The following EPHA10 variants were observed in gnomAD, a reference collection of about 807,000 sequenced individuals.
EPHA10 encodes ephrin type-A receptor 10.
In EPHA10, 120 loss-of-function variants were observed where a neutral mutation model predicts 109.7. The ratio of observed to expected loss-of-function variants is 1.09; its 90% CI spans 0.94 to 1.27. EPHA10 has a LOEUF of 1.27. EPHA10 is among the 50% of genes most tolerant of loss of function. The pLI is 0.00. For synonymous variants in EPHA10, 640 were observed against 618.9 expected, an observed-to-expected ratio of 1.03 and a Z score of -0.51; for missense variants, 1,396 against 1,411.1, an observed-to-expected ratio of 0.99 and a Z score of 0.17.
intron 5 of EPHA10, among the ~76,000 whole-genome samples, chr1:37,742,979 G>C (rs1028897653): frequency 1.3e-5 from 2 of 151,948 alleles, no homozygotes; most frequent in Admixed American, 1.3e-4. Context: ...CTGAGTGACA[G>C]AGTAAGACCT....
rs544224803 is a variant in EPHA10 at position 37,761,780 on chromosome 1, C to T, written c.475G>A (p.Glu159Lys). Reference sequence around the variant, plus strand: ...CCCAGGTCGCCCTGCGTGAAGCTCTCGTCCGCCGCGATCGTGTCGATTTTG... The same window carrying T: ...CCCAGGTCGCCCTGCGTGAAGCTCTTGTCCGCCGCGATCGTGTCGATTTTG... Reference protein sequence around the residue: ...PRKIDTIAADESFTQGDLGER... With the variant: ...PRKIDTIAADKSFTQGDLGER... The change falls in exon 3 of 17, where the codon GAG (glutamate) becomes AAG (lysine). Residue 159 changes from glutamate to lysine, a missense_variant. By Grantham distance (56) the Glu-to-Lys change is moderately conservative (BLOSUM62 1). Coordinates refer to ENST00000373048, the MANE Select transcript of EPHA10 (RefSeq NM_001099439.2). 113 of 1,613,760 alleles carry T rather than the reference C, an allele frequency of 7.0e-5. 1 individual carries two copies. The South Asian group carries it at 1.0e-3, about 15-fold the overall frequency.
At chr1:37,720,163 C>G (rs1645765797) in intron 13 of EPHA10, 105 bp from the exon 14 acceptor site, 1 of 1,475,324 alleles carries the variant, frequency 6.8e-7, no homozygotes, top group Admixed American at 2.1e-5. Context: ...TCCCAGGCAA[C>G]CCCCAACTCC....
chr1:37,733,816 CTT>C (rs1385084921), intron 6 of EPHA10, among the ~76,000 whole-genome samples: 3 of 152,168 alleles, frequency 2.0e-5, no homozygotes, highest in Non-Finnish European at 4.4e-5. Context: ...CTCTCTCTCT[CTT>C]TCTCTCCCTT....
intron 3 of EPHA10, among the ~76,000 whole-genome samples, chr1:37,755,089 T>G (rs1646382018): frequency 1.3e-5 from 2 of 152,170 alleles, no homozygotes; most frequent in South Asian, 4.1e-4. Flanking sequence ...CGTGAGCCAC[T>G]GTGCCCGACC....
Position 37,720,859 on chromosome 1 carries a change from G to A in EPHA10, c.2147-15C>T. 2 of 1,613,910 alleles carry A rather than the reference G, an allele frequency of 1.2e-6. No individual in the cohort carries two copies. Among genetic ancestry groups the A allele is most frequent in the Non-Finnish European group, 8.5e-7 (1 of 1,179,896 alleles). On this transcript the variant is annotated splice_polypyrimidine_tract_variant and intron_variant, in intron 11 of 16. Coordinates refer to ENST00000373048, the MANE Select transcript of EPHA10 (RefSeq NM_001099439.2). The stretch of plus-strand genomic sequence containing the variant: ...CAAGGTGCTTCCTGTGCCCAGGGAT[G>A]GGAACACACATGCTAAGTTGTCCAC...
At chr1:37,734,298 C>T (rs1203701064) in intron 6 of EPHA10, among the ~76,000 whole-genome samples, 1 of 152,128 alleles carries the variant, frequency 6.6e-6, no homozygotes, top group Non-Finnish European at 1.5e-5. Context: ...CTTTGGGAGG[C>T]TAAGGCGGGT....
chr1:37,727,093 G>A lies in EPHA10; in HGVS notation c.1772+9C>T. On this transcript the variant is annotated intron_variant, in intron 8 of 16. Coordinates refer to ENST00000373048, the MANE Select transcript of EPHA10 (RefSeq NM_001099439.2). Reference sequence around the variant, plus strand: ...CCAGGAGTCACCTAGGCTGGGGCCAGCCACCTACCTCCTCCAAATGGCCAG... The same window carrying A: ...CCAGGAGTCACCTAGGCTGGGGCCAACCACCTACCTCCTCCAAATGGCCAG... 6.2e-7 allele frequency: 1 copy of A among 1,604,676 alleles called. No homozygotes were observed. Among genetic ancestry groups the A allele is most frequent in the Non-Finnish European group, 8.5e-7 (1 of 1,174,622 alleles).
chr1:37,747,774 A>T (rs1646262620), intron 5 of EPHA10, among the ~76,000 whole-genome samples: 1 of 151,884 alleles, frequency 6.6e-6, no homozygotes, highest in Admixed American at 6.6e-5. Flanking sequence ...TCTCAAAAAT[A>T]ATAATAATAA....
intron 5 of EPHA10, among the ~76,000 whole-genome samples, chr1:37,736,260 T>G: frequency 6.6e-6 from 1 of 152,070 alleles, no homozygotes; most frequent in Non-Finnish European, 1.5e-5. Flanking sequence ...GTGGACCACT[T>G]GAGGCCAGGA....
chr1:37,723,404 C>G, intron 8 of EPHA10, 32 bp from the exon 9 acceptor site: 1 of 1,611,550 alleles, frequency 6.2e-7, no homozygotes, highest in African/African-American at 1.3e-5. Context: ...TTCTTTCAGC[C>G]AGGCCACCCC....
At chr1:37,734,770 C>CT in intron 6 of EPHA10, 1 of 373,406 alleles carries the variant, frequency 2.7e-6, no homozygotes. Context: ...CTGTGCTACA[C>CT]TTTTTTATAT....
chr1:37,735,119 TG>T, intron 6 of EPHA10, 137 bp downstream of exon 6: 2 of 1,149,596 alleles, frequency 1.7e-6, no homozygotes, highest in Non-Finnish European at 2.5e-6. Context: ...GACTCGAGCC[TG>T]GGGCCCCTAG....
chr1:37,752,808 G>A, intron 5 of EPHA10, 68 bp downstream of exon 5: 1 of 1,127,538 alleles, frequency 8.9e-7, no homozygotes, highest in Non-Finnish European at 1.1e-6. Flanking sequence ...GACCGACGGG[G>A]CGGCCCCAAG....
rs764567703 is a variant in EPHA10 at position 37,761,637 on chromosome 1, GACGCGC to G, written c.612_617del (p.Arg205_Val206del). 1 of 1,605,468 alleles carries G rather than the reference GACGCGC, an allele frequency of 6.2e-7. No individual in the cohort carries two copies. Among genetic ancestry groups the G allele is most frequent in the Non-Finnish European group, 8.5e-7 (1 of 1,179,726 alleles). On this transcript the variant is annotated inframe_deletion, in exon 3 of 17. Coordinates refer to ENST00000373048, the MANE Select transcript of EPHA10 (RefSeq NM_001099439.2). ...CGGTGGCGCGGCACTGCTTGTAGTAGACGCGCACCGAGACAAGCGCCACGCATGCGC... is the reference window on the plus strand; with the variant it reads ...CGGTGGCGCGGCACTGCTTGTAGTAGACCGAGACAAGCGCCACGCATGCGC...
At chr1:37,730,382 T>G (rs530211659) in intron 7 of EPHA10, among the ~76,000 whole-genome samples, 2 of 152,296 alleles carry the variant, frequency 1.3e-5, no homozygotes, top group South Asian at 4.2e-4. Context: ...GGGAACTGCC[T>G]TTGTTCAGGA....
chr1:37,718,311 T>C lies in EPHA10; in HGVS notation c.*61A>G. 1 of 1,427,038 alleles carries C rather than the reference T, an allele frequency of 7.0e-7. No homozygotes were observed. The highest frequency in any genetic ancestry group is 9.6e-7 in the Non-Finnish European group (1 of 1,041,018). The allele number at this position is 1,427,038 out of a possible 1,614,324, so 88.4% of individuals were successfully genotyped here. On this transcript the variant is annotated 3_prime_UTR_variant, in exon 17 of 17. Coordinates refer to ENST00000373048, the MANE Select transcript of EPHA10 (RefSeq NM_001099439.2). ...GCTGGAGCGCAGCTTGCCACGGTCC[T>C]TGGGCAGGGCTGGGGGACTGGACCC...
At chr1:37,728,299 A>G (rs1365642456) in intron 7 of EPHA10, among the ~76,000 whole-genome samples, 1 of 152,190 alleles carries the variant, frequency 6.6e-6, no homozygotes, top group African/African-American at 2.4e-5. Context: ...CGCTAAGCTA[A>G]GGAGTATAAA....
At chr1:37,722,181 TA>T in intron 10 of EPHA10, 1 of 245,142 alleles carries the variant, frequency 4.1e-6, no homozygotes, top group Non-Finnish European at 8.1e-6. Flanking sequence ...TAAATCCTGG[TA>T]AACTGAGTAC....
rs750504151 is a variant in EPHA10 at position 37,761,572 on chromosome 1, C to T, written c.683G>A (p.Ser228Asn). Residue 228 changes from serine to asparagine, a missense_variant, in exon 3 of 17, where the codon AGC (serine) becomes AAC (asparagine). Coordinates refer to ENST00000373048, the MANE Select transcript of EPHA10 (RefSeq NM_001099439.2). ...LATFPATAAE[S>N]AFSTLVEVAG... The stretch of plus-strand genomic sequence containing the variant: ...CACTTCCACCAGTGTGGAGAAGGCG[C>T]TCTCGGCTGCGGTGGCTGGGAACGT... 13 of 1,598,438 alleles carry T rather than the reference C, an allele frequency of 8.1e-6. No individual in the cohort carries two copies. Among genetic ancestry groups the T allele is most frequent in the African/African-American group, 1.3e-5 (1 of 74,732 alleles).
Sources: allele counts gnomAD v4.1 joint callset (sites outside exome capture counted in the v4.1 genomes callset), GRCh38; gene constraint gnomAD v4.1.1; transcripts MANE v1.5; gene names NCBI Gene and HGNC (gene_info 2026-07-23, HGNC 2026-07-21).